The following KCNA6 variants were observed in gnomAD, a reference collection of about 807,000 sequenced individuals.
The protein encoded by KCNA6 is potassium voltage-gated channel subfamily A member 6.
KCNA6 carries 17 observed loss-of-function variants against 29.5 expected under a neutral mutation model. The ratio of observed to expected loss-of-function variants is 0.58; its 90% confidence interval spans 0.39 to 0.86. The LOEUF (loss-of-function observed/expected upper bound fraction) is 0.86. Among genes scored for constraint, KCNA6 ranks in the 40% least tolerant of loss-of-function variants. The pLI is 0.00. For missense variants in KCNA6, 450 were observed against 703.4 expected (o/e 0.64, Z 4.07); for synonymous variants, 296 against 304.7 (o/e 0.97, Z 0.30).
At chr12:4,809,847 C>T (rs1017730236) in exon 1 of KCNA6, 1 of 571,716 alleles carries the variant, frequency 1.7e-6, no homozygotes, top group East Asian at 3.1e-5. Context: ...CCCAGGTCAC[C>T]TCCCCAGACC....
At chr12:4,813,522 C>T (rs1946653153), downstream of KCNA6, 1 of 167,098 alleles carries the variant, frequency 6.0e-6, no homozygotes, top group African/African-American at 2.4e-5. Context: ...CCTCCTTGGC[C>T]TCTTGGACTG....
chr12:4,849,298 C>T, the KCNA6 span, among the ~76,000 whole-genome samples: 9 of 151,926 alleles, frequency 5.9e-5, no homozygotes, highest in Non-Finnish European at 8.8e-5. Flanking sequence ...TGTGTTCAGG[C>T]ACCTGACACA....
the KCNA6 span, among the ~76,000 whole-genome samples, chr12:4,835,275 C>T: frequency 4.7e-5 from 7 of 149,970 alleles, no homozygotes; most frequent in African/African-American, 1.7e-4. Context: ...GCTGGGACTA[C>T]AGGCACCCGC....
the KCNA6 span, among the ~76,000 whole-genome samples, chr12:4,843,499 T>G: frequency 6.6e-6 from 1 of 152,206 alleles, no homozygotes; most frequent in Non-Finnish European, 1.5e-5. Context: ...TTACTTTTTA[T>G]TAAAGTAATA....
chr12:4,837,611 A>G, the KCNA6 span, among the ~76,000 whole-genome samples: 1 of 152,012 alleles, frequency 6.6e-6, no homozygotes, highest in Non-Finnish European at 1.5e-5. Context: ...ATCCCCAAAG[A>G]TTTTATCACA....
At chr12:4,846,765 C>CT in the KCNA6 span, among the ~76,000 whole-genome samples, 697 of 100,658 alleles carry the variant, frequency 6.9e-3, 33 homozygotes, top group African/African-American at 0.02. Context: ...TGGAACACCT[C>CT]TTTTTTTTTT....
Position 4,810,857 on chromosome 12 carries a change from C to G in KCNA6, c.816C>G (p.Val272=), listed in dbSNP as rs756580190. Reference sequence around the variant, plus strand: ...TTCTGGTGGAGACGCTGTGCATTGTCTGGTTCACTTTTGAGCTCCTGGTGC... The same window carrying G: ...TTCTGGTGGAGACGCTGTGCATTGTGTGGTTCACTTTTGAGCTCCTGGTGC... The change falls in exon 1 of 1, where the codon GTC becomes GTG. Residue 272 remains valine, a synonymous_variant. Coordinates refer to ENST00000280684, the Ensembl canonical transcript of KCNA6. The surrounding 1 kb of genome is among the most constrained non-coding windows in gnomAD (Gnocchi z 7.5). 9.9e-6 allele frequency: 16 copies of G among 1,610,086 alleles called. No individual in the cohort carries two copies. The highest frequency in any genetic ancestry group is 3.3e-5 in the Admixed American group (2 of 59,888).
At chr12:4,809,872 C>T in exon 1 of KCNA6, 1 of 724,406 alleles carries the variant, frequency 1.4e-6, no homozygotes. Context: ...CTTGCAGGGA[C>T]CAGGGCTTTA....
chr12:4,845,104 G>A, the KCNA6 span, among the ~76,000 whole-genome samples: 2 of 152,118 alleles, frequency 1.3e-5, no homozygotes, highest in Non-Finnish European at 2.9e-5. Context: ...TGTACAGCTG[G>A]TGTCCTGGGA....
chr12:4,827,814 A>G, the KCNA6 span, among the ~76,000 whole-genome samples: 1 of 152,190 alleles, frequency 6.6e-6, no homozygotes, highest in South Asian at 2.1e-4. Context: ...TGTGTTCATC[A>G]TTCTCATCCC....
At chr12:4,845,080 C>T in the KCNA6 span, among the ~76,000 whole-genome samples, 2 of 152,162 alleles carry the variant, frequency 1.3e-5, no homozygotes, top group Non-Finnish European at 2.9e-5. Context: ...GTCTTGCCTG[C>T]TTTCTCTCTG....
At chr12:4,816,836 C>T (rs913868913), downstream of KCNA6, among the ~76,000 whole-genome samples, 2 of 152,136 alleles carry the variant, frequency 1.3e-5, no homozygotes, top group African/African-American at 4.8e-5. Flanking sequence ...CTGAGCCTTT[C>T]AATGATTCTC....
exon 1 of KCNA6, chr12:4,813,349 G>A (rs984740900): frequency 6.0e-6 from 1 of 167,052 alleles, no homozygotes; most frequent in Admixed American, 6.5e-5. Context: ...CATGGGGAAT[G>A]TCTGGGAAGC....
the KCNA6 span, among the ~76,000 whole-genome samples, chr12:4,824,379 C>T: frequency 6.6e-6 from 1 of 152,120 alleles, no homozygotes; most frequent in African/African-American, 2.4e-5. Context: ...TTTGGACTTC[C>T]TGATCAAATA....
At chr12:4,840,841 T>C in the KCNA6 span, among the ~76,000 whole-genome samples, 1 of 152,112 alleles carries the variant, frequency 6.6e-6, no homozygotes, top group Non-Finnish European at 1.5e-5. Context: ...GAGGATAGGG[T>C]GTTTTTAAAG....
At chr12:4,826,267 C>G in the KCNA6 span, among the ~76,000 whole-genome samples, 5 of 152,136 alleles carry the variant, frequency 3.3e-5, no homozygotes, top group Non-Finnish European at 7.3e-5. Context: ...CTGCTGAGGG[C>G]TCTTACCTCT....
chr12:4,846,025 G>A, the KCNA6 span, among the ~76,000 whole-genome samples: 8 of 128,390 alleles, frequency 6.2e-5, no homozygotes, highest in Admixed American at 6.3e-4. Context: ...TACATAATGA[G>A]TTATCTTGGG....
the KCNA6 span, among the ~76,000 whole-genome samples, chr12:4,825,024 GA>G: frequency 7.9e-5 from 12 of 152,284 alleles, no homozygotes; most frequent in East Asian, 2.3e-3. Context: ...GGCTTATTCT[GA>G]AAAATGCCCA....
downstream of KCNA6, among the ~76,000 whole-genome samples, chr12:4,816,243 C>T (rs184922230): frequency 2.5e-3 from 350 of 141,836 alleles, 3 homozygotes; most frequent in African/African-American, 8.1e-3. Context: ...CACAATACCA[C>T]GAACTGGTGT....
Sources: allele counts gnomAD v4.1 joint callset (sites outside exome capture counted in the v4.1 genomes callset), GRCh38; gene constraint gnomAD v4.1.1; non-coding constraint Gnocchi (gnomAD v3.1); transcripts MANE v1.5; gene names NCBI Gene and HGNC (gene_info 2026-07-23, HGNC 2026-07-21).